HOOK3: variants seen among roughly 807,000 people sequenced by gnomAD.
HOOK3 encodes protein Hook homolog 3.
HOOK3 carries 24 observed loss-of-function variants against 116.3 expected under a neutral mutation model. That is an observed-to-expected ratio of 0.21 (90% CI 0.15 to 0.29). HOOK3 has a LOEUF of 0.29. Ranked by LOEUF, HOOK3 falls within the 10% of genes least tolerant of loss-of-function variation. The pLI, the probability that HOOK3 is intolerant of heterozygous loss-of-function variation, is 1.00. For missense variants in HOOK3, 632 were observed against 830.2 expected, an observed-to-expected ratio of 0.76 and a Z score of 2.93; for synonymous variants, 275 against 283.0, an observed-to-expected ratio of 0.97 and a Z score of 0.28.
intron 11 of HOOK3, among the ~76,000 whole-genome samples, chr8:42,971,547 G>C (rs900758690): frequency 1.3e-5 from 2 of 152,232 alleles, no homozygotes; most frequent in Non-Finnish European, 2.9e-5. Context: ...GGGATTACAG[G>C]CGTGAGCCAC....
intron 5 of HOOK3, among the ~76,000 whole-genome samples, chr8:42,948,425 T>C (rs527749609): frequency 1.3e-5 from 2 of 151,794 alleles, no homozygotes; most frequent in South Asian, 4.1e-4. Flanking sequence ...TTAGTTCTCA[T>C]CATCATTTTA....
chr8:42,993,849 C>T (rs770873347), intron 15 of HOOK3, among the ~76,000 whole-genome samples: 8 of 152,074 alleles, frequency 5.3e-5, no homozygotes, highest in East Asian at 1.9e-4. Flanking sequence ...TGTAATGTCT[C>T]GTTTTTTTGT....
intron 21 of HOOK3, among the ~76,000 whole-genome samples, chr8:43,017,628 T>C (rs1809748556): frequency 6.6e-6 from 1 of 152,208 alleles, no homozygotes; most frequent in Non-Finnish European, 1.5e-5. Context: ...AACTGCTTTT[T>C]TCCTGATGTA....
chr8:42,997,421 A>G (rs1809299379), intron 15 of HOOK3, 129 bp from the exon 16 acceptor site: 2 of 616,402 alleles, frequency 3.2e-6, no homozygotes, highest in Admixed American at 3.0e-5. Context: ...TTAGGCCACT[A>G]CTATACTACT....
chr8:42,897,149 G>T lies in HOOK3; in HGVS notation c.18G>T (p.Ser6=), dbSNP rs1159819700. 8.0e-7 allele frequency: 1 copy of T among 1,248,286 alleles called. No homozygotes were observed. Among genetic ancestry groups the T allele is most frequent in the Non-Finnish European group, 1.0e-6 (1 of 990,956 alleles). The allele number at this position is 1,248,286 out of a possible 1,614,324, so 77.3% of individuals were successfully genotyped here. A position where few individuals can be genotyped will look rare whatever the true frequency, so the allele number is the denominator to read the frequency against. Residue 6 remains serine (S), a synonymous_variant, in exon 1 of 22, where the codon TCG becomes TCT. Transcript: ENST00000307602. ...CGGGGAAGATGTTCAGCGTAGAGTC[G>T]CTGGAGCGGGCGGAGCTGTGCGAGA... MFSVE[S]LERAELCESL...
chr8:42,918,387 C>T (rs1164488219), intron 2 of HOOK3, among the ~76,000 whole-genome samples: 1 of 151,960 alleles, frequency 6.6e-6, no homozygotes, highest in Non-Finnish European at 1.5e-5. Context: ...ATAATTCTAG[C>T]AGTAGCAATA....
intron 7 of HOOK3, 25 bp from the exon 8 acceptor site, chr8:42,959,206 T>G: frequency 6.8e-7 from 1 of 1,480,328 alleles, no homozygotes; most frequent in Non-Finnish European, 9.4e-7. Context: ...CATATTAAAA[T>G]GTTTATCTCT....
At chr8:42,903,500 G>C in intron 1 of HOOK3, among the ~76,000 whole-genome samples, 1 of 150,730 alleles carries the variant, frequency 6.6e-6, no homozygotes, top group East Asian at 2.0e-4. Context: ...GCCCGCCACA[G>C]CGCCCGACTA....
chr8:42,913,470 C>T (rs1457375410), intron 2 of HOOK3, among the ~76,000 whole-genome samples: 4 of 152,240 alleles, frequency 2.6e-5, no homozygotes, highest in Admixed American at 6.5e-5. Context: ...ATACTTCGTA[C>T]ATTTCCCATT....
chr8:42,938,958 C>G (rs1013659370), intron 4 of HOOK3, among the ~76,000 whole-genome samples: 2 of 152,118 alleles, frequency 1.3e-5, no homozygotes, highest in African/African-American at 2.4e-5. Context: ...TTTAACAAAG[C>G]ACATCTTGCA....
At chr8:42,904,730 T>G (rs1356116383) in intron 1 of HOOK3, among the ~76,000 whole-genome samples, 1 of 152,214 alleles carries the variant, frequency 6.6e-6, no homozygotes, top group Non-Finnish European at 1.5e-5. Flanking sequence ...TGTTAATTCT[T>G]CAGTTTTTTG....
In HOOK3 at chr8:42,897,171, G is replaced by C. The variant is rs551581089; in HGVS notation, c.40G>C (p.Glu14Gln). 1.4e-5 allele frequency: 17 copies of C among 1,248,690 alleles called. No homozygotes were observed. The South Asian group carries it at 6.0e-4, about 44-fold the overall frequency. The allele number at this position is 1,248,690 out of a possible 1,614,324, so 77.4% of individuals were successfully genotyped here. A position where few individuals can be genotyped will look rare whatever the true frequency, so the allele number is the denominator to read the frequency against. ...GTCGCTGGAGCGGGCGGAGCTGTGC[G>C]AGAGCCTCCTCACTTGGGTACGTGG... ...VESLERAELCESLLTWIQTFN... is the reference protein window; with the variant it reads ...VESLERAELCQSLLTWIQTFN... The change falls in exon 1 of 22, where the codon GAG becomes CAG. Residue 14 changes from glutamate to glutamine, a missense_variant. Glu to Gln is a conservative substitution (Grantham distance 29, BLOSUM62 2). Transcript: ENST00000307602.
chr8:42,983,118 A>G (rs1463362874), intron 14 of HOOK3, among the ~76,000 whole-genome samples: 2 of 152,114 alleles, frequency 1.3e-5, no homozygotes, highest in African/African-American at 4.8e-5. Context: ...GTGGATCACA[A>G]GGTCAGGAGA....
chr8:42,900,269 T>C (rs1003708237), intron 1 of HOOK3, among the ~76,000 whole-genome samples: 2 of 152,170 alleles, frequency 1.3e-5, no homozygotes, highest in Non-Finnish European at 2.9e-5. Context: ...CTCTCCACCC[T>C]CTGAGTCAAA....
At chr8:42,919,006 GC>G (rs1307230257) in intron 2 of HOOK3, among the ~76,000 whole-genome samples, 8 of 151,216 alleles carry the variant, frequency 5.3e-5, no homozygotes, top group African/African-American at 1.9e-4. Context: ...GGGCAGAGGC[GC>G]CCCCCACCTC....
intron 17 of HOOK3, among the ~76,000 whole-genome samples, chr8:43,003,759 G>A (rs1057085673): frequency 3.3e-5 from 5 of 152,134 alleles, no homozygotes; most frequent in East Asian, 1.9e-4. Flanking sequence ...GCTGGTAACC[G>A]CCAGCAGTCC....
chr8:42,965,244 C>T (rs891548432), intron 9 of HOOK3, among the ~76,000 whole-genome samples: 2 of 152,118 alleles, frequency 1.3e-5, no homozygotes, highest in Non-Finnish European at 2.9e-5. Context: ...AGCACATCTT[C>T]GGGAAGGGCC....
chr8:42,960,281 A>G (rs1429197227), intron 8 of HOOK3, among the ~76,000 whole-genome samples: 1 of 152,180 alleles, frequency 6.6e-6, no homozygotes, highest in Non-Finnish European at 1.5e-5. Flanking sequence ...TCAATGACAG[A>G]GTGGAGTACT....
chr8:42,976,030 G>A (rs941767113), intron 13 of HOOK3, among the ~76,000 whole-genome samples: 4 of 143,482 alleles, frequency 2.8e-5, no homozygotes, highest in African/African-American at 1.1e-4. Context: ...ATGTGTGTGT[G>A]TATATATATA....
Sources: gnomAD v4.1 joint callset for allele counts (sites outside exome capture counted in the v4.1 genomes callset) on GRCh38, gnomAD v4.1.1 for gene constraint, MANE v1.5 for transcripts, NCBI Gene and HGNC (gene_info 2026-07-23, HGNC 2026-07-21) for gene names.